Variants in GPR149 observed in about 807,000 individuals in gnomAD.
GPR149 encodes G protein-coupled receptor 149.
A neutral mutation model predicts 50.2 loss-of-function variants in GPR149; 50 were observed. The observed-to-expected ratio is 1.00, with a 90% CI of 0.79 to 1.26. The LOEUF is 1.26. Ranked by LOEUF, GPR149 falls within the 50% of genes most tolerant of loss-of-function variation. The pLI, the probability that GPR149 is intolerant of heterozygous loss-of-function variation, is 0.00. For synonymous variants in GPR149, 405 were observed against 358.2 expected, an observed-to-expected ratio of 1.13 and a Z score of -1.48; for missense variants, 983 against 895.4, an observed-to-expected ratio of 1.10 and a Z score of -1.25.
In GPR149 at chr3:154,429,220, A is replaced by G; in HGVS notation, c.396T>C (p.Tyr132=). 2 of 1,614,188 alleles carry G rather than the reference A, an allele frequency of 1.2e-6. No homozygotes were observed. The highest frequency in any genetic ancestry group is 1.7e-6 in the Non-Finnish European group (2 of 1,180,034). Reference sequence around the variant, plus strand: ...GGCTCCCCACACCTCTGTGCATCGTATAAAAGTTGTAAGAGACTAGGAGAG... The same window carrying G: ...GGCTCCCCACACCTCTGTGCATCGTGTAAAAGTTGTAAGAGACTAGGAGAG... The part of the protein sequence containing the change: ...KATLLVSYNF[Y]TMHRGVGSQT... Residue 132 remains tyrosine (Y), a synonymous_variant, in exon 1 of 4, where the codon TAT becomes TAC. Transcript: ENST00000389740.
chr3:154,380,824 T>C (rs1408152760), intron 3 of GPR149, among the ~76,000 whole-genome samples: 1 of 152,196 alleles, frequency 6.6e-6, no homozygotes, highest in African/African-American at 2.4e-5. Flanking sequence ...CAATGTCAGA[T>C]ATGGGGTTTT....
intron 3 of GPR149, among the ~76,000 whole-genome samples, chr3:154,339,779 C>CTTTTTT (rs71152802): frequency 5.9e-5 from 4 of 68,352 alleles, no homozygotes; most frequent in African/African-American, 1.4e-4. Context: ...TGCTCTACTT[C>CTTTTTT]TTTTTTTTTT....
At chr3:154,383,383 C>A (rs920436271) in intron 3 of GPR149, among the ~76,000 whole-genome samples, 4 of 152,110 alleles carry the variant, frequency 2.6e-5, no homozygotes, top group Admixed American at 2.0e-4. Context: ...TTAGGTTTGG[C>A]TGAGATTGGG....
rs779335808 is a variant in GPR149, at chr3:154,338,155, T to C, written c.1740A>G (p.Gln580=). ...TTTTCTTAGAGGCTGGAGTTATTTT[T>C]TGCCCTTCTGCGCTTACCTCATAGG... ...LSTYEVSAEG[Q]KITPASKKIE... is the part of the protein sequence containing the mutation. The change falls in exon 4 of 4, where the codon CAA becomes CAG. Residue 580 remains glutamine, a synonymous_variant. Coordinates refer to ENST00000389740, the MANE Select transcript of GPR149 (RefSeq NM_001038705.3). 6.2e-7 allele frequency: 1 copy of C among 1,614,178 alleles called. No homozygotes were observed. Among genetic ancestry groups the C allele is most frequent in the Non-Finnish European group, 8.5e-7 (1 of 1,180,026 alleles).
At chr3:154,338,778 T>C (rs547374642) in intron 3 of GPR149, among the ~76,000 whole-genome samples, 3 of 152,252 alleles carry the variant, frequency 2.0e-5, no homozygotes, top group African/African-American at 7.2e-5. Flanking sequence ...ACTTCAACTG[T>C]TAGAGTTGAG....
chr3:154,400,855 T>C (rs1711535624), intron 3 of GPR149, among the ~76,000 whole-genome samples: 1 of 152,242 alleles, frequency 6.6e-6, no homozygotes, highest in Admixed American at 6.5e-5. Flanking sequence ...TAGCCACTAC[T>C]AAAGTGAAAA....
In GPR149 at chr3:154,427,512, T is replaced by G; in HGVS notation, c.1174+4A>C. The G allele has an allele frequency of 6.2e-7, 1 of 1,602,504 alleles. No homozygotes were observed. The highest frequency in any genetic ancestry group is 8.5e-7 in the Non-Finnish European group (1 of 1,175,340). ...TGCCAATCACTGCAGTGTTGAGGACTTACTTTTTTTCCCATCGGACGCCAC... is the reference window on the plus strand; with the variant it reads ...TGCCAATCACTGCAGTGTTGAGGACGTACTTTTTTTCCCATCGGACGCCAC... On this transcript the variant is annotated splice_donor_region_variant and intron_variant, in intron 2 of 3. Coordinates refer to ENST00000389740, the MANE Select transcript of GPR149 (RefSeq NM_001038705.3).
At chr3:154,382,697 G>T (rs989402782) in intron 3 of GPR149, among the ~76,000 whole-genome samples, 2 of 152,052 alleles carry the variant, frequency 1.3e-5, no homozygotes, top group Admixed American at 6.6e-5. Context: ...CTGAAGAATA[G>T]GTTCATGAGA....
chr3:154,414,994 C>G (rs1385239574), intron 3 of GPR149, among the ~76,000 whole-genome samples: 1 of 151,982 alleles, frequency 6.6e-6, no homozygotes, highest in Non-Finnish European at 1.5e-5. Context: ...TTGCATTGTA[C>G]AGTGTAACTT....
At chr3:154,403,840 A>C (rs1040569446) in intron 3 of GPR149, among the ~76,000 whole-genome samples, 2 of 152,070 alleles carry the variant, frequency 1.3e-5, no homozygotes, top group Non-Finnish European at 2.9e-5. Flanking sequence ...GGCACTATCC[A>C]ATAGAACTGC....
intron 3 of GPR149, among the ~76,000 whole-genome samples, chr3:154,374,392 C>T (rs1422328331): frequency 3.3e-5 from 5 of 151,840 alleles, no homozygotes; most frequent in Admixed American, 1.3e-4. Flanking sequence ...AGGTTGGTAT[C>T]GAACTCCTGG....
intron 3 of GPR149, among the ~76,000 whole-genome samples, chr3:154,351,313 CAAAAAAAAAAA>C (rs71155003): frequency 2.9e-4 from 22 of 75,566 alleles, no homozygotes; most frequent in East Asian, 1.0e-3. Context: ...CATCCACATA[CAAAAAAAAAAA>C]AAAAAAAAAA....
intron 3 of GPR149, among the ~76,000 whole-genome samples, chr3:154,417,210 A>G (rs972498125): frequency 6.6e-6 from 1 of 152,006 alleles, no homozygotes; most frequent in Non-Finnish European, 1.5e-5. Context: ...ATTTCTTCTG[A>G]ACTTTCAAAA....
intron 3 of GPR149, among the ~76,000 whole-genome samples, chr3:154,373,482 C>G (rs940832296): frequency 6.6e-6 from 1 of 152,150 alleles, no homozygotes; most frequent in Non-Finnish European, 1.5e-5. Context: ...GCTTTCATCA[C>G]GGATTGCCAA....
intron 2 of GPR149, 61 bp downstream of exon 2, chr3:154,427,455 C>A: frequency 6.8e-7 from 1 of 1,468,882 alleles, no homozygotes; most frequent in African/African-American, 1.4e-5. Flanking sequence ...GTTAATAGAC[C>A]ACTTTTCTGA....
chr3:154,359,874 A>C (rs111627070), intron 3 of GPR149, among the ~76,000 whole-genome samples: 1,982 of 152,338 alleles, frequency 0.013, 43 homozygotes, highest in African/African-American at 0.045. Flanking sequence ...TTAATTAATT[A>C]AAAAACCCAA....
chr3:154,371,611 C>T (rs1714664232), intron 3 of GPR149, among the ~76,000 whole-genome samples: 1 of 152,140 alleles, frequency 6.6e-6, no homozygotes, highest in South Asian at 2.1e-4. Context: ...CTGCAGTAGT[C>T]CTTCAAAACC....
In GPR149 at chr3:154,421,170, C is replaced by T. The variant is rs370738786; in HGVS notation, c.1492G>A (p.Gly498Ser). The part of the protein sequence containing the change: ...KKDAFSDKTG[G>S]DINYEETTFS... ...GTAGTTTCTTCATAGTTAATATCAC[C>T]TCCTGTTTTGTCAGAAAACGCATCC... The change falls in exon 3 of 4, where the codon GGT becomes AGT. Residue 498 changes from glycine (G) to serine (S), a missense_variant. Transcript: ENST00000389740. 1 of 1,613,408 alleles carries T rather than the reference C, an allele frequency of 6.2e-7. No individual in the cohort carries two copies.
chr3:154,410,415 C>T lies in GPR149; in HGVS notation c.1623+10624G>A, dbSNP rs534745750. On this transcript the variant is annotated intron_variant, in intron 3 of 3. Coordinates refer to ENST00000389740, the MANE Select transcript of GPR149 (RefSeq NM_001038705.3). ...ACATTGAATGTAAATGGTCTAAATG[C>T]TCCACTTAAAAGATACAGAATGGCA... Among the ~76,000 whole-genome samples, 5 of 152,266 alleles carry T rather than the reference C, an allele frequency of 3.3e-5. No homozygotes were observed. In the South Asian group the frequency reaches 1.0e-3, roughly 32 times the overall value.
Sources: allele counts gnomAD v4.1 joint callset (sites outside exome capture counted in the v4.1 genomes callset), GRCh38; gene constraint gnomAD v4.1.1; transcripts MANE v1.5; gene names NCBI Gene and HGNC (gene_info 2026-07-23, HGNC 2026-07-21).